The following DENND1A variants were observed in gnomAD, a reference collection of about 807,000 sequenced individuals.
DENND1A encodes the protein DENN domain-containing protein 1A.
Under a neutral mutation model 113.7 loss-of-function variants are expected in DENND1A, and 51 were observed. That is an observed-to-expected ratio of 0.45 (90% CI 0.36 to 0.57). The LOEUF (loss-of-function observed/expected upper bound fraction) is 0.57, where lower values mean the gene tolerates loss of function less well. Ranked by LOEUF, DENND1A falls within the 20% of genes least tolerant of loss-of-function variation. The pLI, the probability that DENND1A is intolerant of heterozygous loss-of-function variation, is 0.00. For missense variants in DENND1A, 1,258 were observed against 1,395.9 expected, an observed-to-expected ratio of 0.90 and a Z score of 1.57; for synonymous variants, 565 against 570.8, an observed-to-expected ratio of 0.99 and a Z score of 0.14.
At chr9:123,421,718 T>C (rs569635252) in intron 19 of DENND1A, among the ~76,000 whole-genome samples, 59 of 152,266 alleles carry the variant, frequency 3.9e-4, no homozygotes, top group South Asian at 3.5e-3. Flanking sequence ...TTCTCCTCAT[T>C]TTGCAGAGGT....
intron 13 of DENND1A, among the ~76,000 whole-genome samples, chr9:123,515,833 G>A (rs2053845874): frequency 6.6e-6 from 1 of 152,020 alleles, no homozygotes; most frequent in African/African-American, 2.4e-5. Context: ...GCCCAGGAAG[G>A]AGGTGGGTAG....
chr9:123,715,202 A>G (rs1429112323), intron 5 of DENND1A, among the ~76,000 whole-genome samples: 5 of 152,166 alleles, frequency 3.3e-5, no homozygotes, highest in African/African-American at 9.6e-5. Flanking sequence ...TAATAATAAT[A>G]AAAAATAAAT....
At chr9:123,904,647 G>A (rs1852413728) in intron 1 of DENND1A, among the ~76,000 whole-genome samples, 1 of 150,352 alleles carries the variant, frequency 6.7e-6, no homozygotes, top group Non-Finnish European at 1.5e-5. Flanking sequence ...AGCGAGAAGG[G>A]AAGTTTAGAG....
At chr9:123,516,440 C>T (rs2053918176) in intron 13 of DENND1A, among the ~76,000 whole-genome samples, 1 of 152,000 alleles carries the variant, frequency 6.6e-6, no homozygotes. Context: ...AAACACCTGG[C>T]AAATAAACAT....
chr9:123,525,835 T>TG (rs1277615316), intron 13 of DENND1A, among the ~76,000 whole-genome samples: 2 of 148,578 alleles, frequency 1.3e-5, no homozygotes, highest in African/African-American at 5.0e-5. Context: ...TATGATTCAC[T>TG]GCAGCCTCAA....
intron 2 of DENND1A, 104 bp from the exon 3 acceptor site, chr9:123,792,734 G>T (rs1298872718): frequency 1.5e-6 from 2 of 1,307,066 alleles, no homozygotes; most frequent in East Asian, 4.9e-5. Flanking sequence ...CCTGGCAGGG[G>T]ATCCAAGGGG....
chr9:123,820,716 C>G (rs1027013342), intron 2 of DENND1A, among the ~76,000 whole-genome samples: 1 of 152,094 alleles, frequency 6.6e-6, no homozygotes, highest in African/African-American at 2.4e-5. Context: ...TTTCCCATAT[C>G]TTATATGTGA....
intron 1 of DENND1A, among the ~76,000 whole-genome samples, chr9:123,888,812 G>A (rs1849474201): frequency 6.6e-6 from 1 of 152,164 alleles, no homozygotes. Flanking sequence ...TGCAGTCTTA[G>A]GATTAGACGT....
At chr9:123,509,295 C>T (rs2808400) in intron 13 of DENND1A, among the ~76,000 whole-genome samples, 85,953 of 152,092 alleles carry the variant, frequency 0.57, 26,654 homozygotes, top group East Asian at 0.71. Flanking sequence ...ACAGAAAGCA[C>T]GAGATGGGAC....
chr9:123,503,717 A>T (rs563876712), intron 13 of DENND1A, among the ~76,000 whole-genome samples: 3 of 152,270 alleles, frequency 2.0e-5, no homozygotes, highest in African/African-American at 7.2e-5. Context: ...CCACCCCTGT[A>T]GGCCAGCATA....
intron 9 of DENND1A, among the ~76,000 whole-genome samples, chr9:123,636,412 G>C (rs1250682161): frequency 6.6e-6 from 1 of 151,750 alleles, no homozygotes; most frequent in Non-Finnish European, 1.5e-5. Context: ...TGCCTCCCAC[G>C]TTCAAGTGAT....
At chr9:123,636,869 T>TATTA (rs1306707990) in intron 9 of DENND1A, among the ~76,000 whole-genome samples, 1 of 152,022 alleles carries the variant, frequency 6.6e-6, no homozygotes, top group African/African-American at 2.4e-5. Context: ...GCTAATTTTG[T>TATTA]ATTTTTAATA....
intron 9 of DENND1A, among the ~76,000 whole-genome samples, chr9:123,636,329 T>G (rs907550463): frequency 2.0e-5 from 3 of 152,068 alleles, no homozygotes; most frequent in African/African-American, 7.2e-5. Flanking sequence ...CTCTTTTTTT[T>G]TTTTTGAGAT....
At chr9:123,399,699 G>A (rs1271140092) in intron 21 of DENND1A, among the ~76,000 whole-genome samples, 1 of 152,232 alleles carries the variant, frequency 6.6e-6, no homozygotes, top group South Asian at 2.1e-4. Context: ...AGGGTGGCCT[G>A]CTGGGCAGGC....
At chr9:123,904,383 G>C (rs931585269) in intron 1 of DENND1A, among the ~76,000 whole-genome samples, 1 of 151,904 alleles carries the variant, frequency 6.6e-6, no homozygotes, top group Non-Finnish European at 1.5e-5. Context: ...ACTTTGACAA[G>C]CTGAGAGAAG....
chr9:123,563,336 T>G (rs952935360), intron 12 of DENND1A, among the ~76,000 whole-genome samples: 4 of 152,196 alleles, frequency 2.6e-5, no homozygotes, highest in Non-Finnish European at 5.9e-5. Flanking sequence ...TCAGGTCCCC[T>G]GGCTTCATCT....
intron 13 of DENND1A, among the ~76,000 whole-genome samples, chr9:123,499,113 A>G (rs1266828522): frequency 6.6e-6 from 1 of 151,558 alleles, no homozygotes; most frequent in African/African-American, 2.4e-5. Context: ...GGCTCACTGC[A>G]AGCTCCACCT....
intron 20 of DENND1A, among the ~76,000 whole-genome samples, chr9:123,409,857 T>C (rs1379914445): frequency 6.6e-6 from 1 of 152,086 alleles, no homozygotes; most frequent in Non-Finnish European, 1.5e-5. Flanking sequence ...TTTGGGAGGC[T>C]GAGGCGGGCG....
intron 2 of DENND1A, among the ~76,000 whole-genome samples, chr9:123,804,395 C>A (rs949983852): frequency 1.3e-5 from 2 of 152,166 alleles, no homozygotes; most frequent in Non-Finnish European, 2.9e-5. Flanking sequence ...GAGTCACTTT[C>A]TTTCTTCAGG....
Sources: allele counts gnomAD v4.1 joint callset (sites outside exome capture counted in the v4.1 genomes callset), GRCh38; gene constraint gnomAD v4.1.1; transcripts MANE v1.5; gene names NCBI Gene and HGNC (gene_info 2026-07-23, HGNC 2026-07-21).